MAP7D1: variants seen among roughly 807,000 people sequenced by gnomAD.
MAP7D1 encodes MAP7 domain-containing protein 1.
A neutral mutation model predicts 97.5 loss-of-function variants in MAP7D1; 30 were observed. The observed-to-expected ratio is 0.31, with a 90% confidence interval of 0.23 to 0.42. The LOEUF (loss-of-function observed/expected upper bound fraction) is 0.42. Among genes scored for constraint, MAP7D1 ranks in the 10% least tolerant of loss-of-function variants. MAP7D1 has a pLI of 1.00. For missense variants in MAP7D1, 1,184 were observed against 1,179.5 expected (o/e 1.00, Z -0.06); for synonymous variants, 536 against 477.1 (o/e 1.12, Z -1.61).
In MAP7D1 at chr1:36,178,084, C is replaced by T. The variant is rs12563354; in HGVS notation, c.1591C>T (p.Arg531Cys). 54 of 1,607,252 alleles carry T rather than the reference C, an allele frequency of 3.4e-5. No individual in the cohort carries two copies. In the African/African-American group the frequency reaches 5.7e-4, roughly 17 times the overall value. ...GCCCGAGGACAAGAGCCAGAGCAAG[C>T]GCAGGGCCAGTAACGAGAAGGAGTC... Reference protein sequence around the residue: ...AGPEDKSQSKRRASNEKESAA... With the variant: ...AGPEDKSQSKCRASNEKESAA... The change falls in exon 9 of 17, where the codon CGC becomes TGC. Residue 531 changes from arginine (R) to cysteine (C), a missense_variant. Physicochemically the swap from Arg to Cys is radical, Grantham distance 180. Coordinates refer to ENST00000474796, the MANE Select transcript of MAP7D1 (RefSeq NM_001388490.1).
At chr1:36,162,582 G>T (rs1644427479) in intron 1 of MAP7D1, among the ~76,000 whole-genome samples, 1 of 152,166 alleles carries the variant, frequency 6.6e-6, no homozygotes, top group African/African-American at 2.4e-5. Context: ...TGTGAAATGG[G>T]GGCCATCATA....
rs779771144 is a variant in MAP7D1 at position 36,170,866 on chromosome 1, A to G, written c.47-105A>G. On this transcript the variant is annotated intron_variant, in intron 1 of 16. Coordinates refer to ENST00000474796, the MANE Select transcript of MAP7D1 (RefSeq NM_001388490.1). ...CCCGGCACATAGAAATAACTCAAAC[A>G]TAAGTGAATGAAGAAGTCGGTTGAA... 501 of 660,318 alleles carry G rather than the reference A, an allele frequency of 7.6e-4. 6 individuals are homozygous for G. Among genetic ancestry groups the G allele is most frequent in the Admixed American group, 3.8e-4 (16 of 41,628 alleles). 40.9% of individuals were successfully genotyped at this position (660,318 alleles called of 1,614,324 possible). A position where few individuals can be genotyped will look rare whatever the true frequency, so the allele number is the denominator to read the frequency against.
intron 12 of MAP7D1, 42 bp from the exon 13 acceptor site, chr1:36,179,220 G>T: frequency 6.2e-7 from 1 of 1,608,528 alleles, no homozygotes; most frequent in Non-Finnish European, 8.5e-7. Flanking sequence ...TTTAGGATTA[G>T]GGGCGGGGCT....
intron 12 of MAP7D1, 55 bp downstream of exon 12, chr1:36,179,080 T>TGGGCGGGGCCTGGGCTTAGAGC: frequency 7.2e-6 from 10 of 1,381,858 alleles, no homozygotes; most frequent in Non-Finnish European, 1.0e-5. Flanking sequence ...GCGGGCCAGG[T>TGGGCGGGGCCTGGGCTTAGAGC]GGGCGGGGCC....
In MAP7D1 at chr1:36,171,188, C is replaced by T. The variant is rs376811700; in HGVS notation, c.264C>T (p.Ser88=). Residue 88 remains serine, a synonymous_variant, in exon 2 of 17, where the codon TCC becomes TCT. Coordinates refer to ENST00000474796, the MANE Select transcript of MAP7D1 (RefSeq NM_001388490.1). ...CCCCCCCGCAGGAAGAGTCCCCTTC[C>T]TCTGAAGCAAAGAGCAGAGGACCCA... ...RPAPPQEESP[S]SEAKSRGPTP... 5.6e-6 allele frequency: 9 copies of T among 1,613,864 alleles called. No individual in the cohort carries two copies. Among genetic ancestry groups the T allele is most frequent in the Admixed American group, 1.7e-5 (1 of 59,988 alleles).
chr1:36,168,491 T>G lies in MAP7D1; in HGVS notation c.47-2480T>G, dbSNP rs572560922. Among the ~76,000 whole-genome samples the G allele has an allele frequency of 7.2e-5, 11 of 152,220 alleles. No individual in the cohort carries two copies. The East Asian group carries it at 1.5e-3, about 21-fold the overall frequency. On this transcript the variant is annotated intron_variant, in intron 1 of 16. Transcript: ENST00000474796. ...CACTAGAGTGAGTAACTGGTTTTGT[T>G]GACTACTGGAATTGGTAAAGGAGTT...
intron 8 of MAP7D1, chr1:36,177,529 A>T: frequency 1.8e-6 from 1 of 565,136 alleles, no homozygotes; most frequent in Non-Finnish European, 3.5e-6. Flanking sequence ...CTTAAAAACA[A>T]CAACAACAAC....
chr1:36,162,239 G>A (rs1484276902), intron 1 of MAP7D1, among the ~76,000 whole-genome samples: 1 of 152,164 alleles, frequency 6.6e-6, no homozygotes, highest in Non-Finnish European at 1.5e-5. Flanking sequence ...CCTGGAGGTG[G>A]GCTGTTCTCC....
intron 1 of MAP7D1, among the ~76,000 whole-genome samples, chr1:36,158,228 C>G (rs891952657): frequency 1.2e-4 from 19 of 152,038 alleles, no homozygotes; most frequent in Admixed American, 5.2e-4. Flanking sequence ...GAGGACTCTT[C>G]TATACACAGG....
chr1:36,158,128 G>A (rs954027980), intron 1 of MAP7D1, among the ~76,000 whole-genome samples: 4 of 123,972 alleles, frequency 3.2e-5, no homozygotes, highest in Admixed American at 2.5e-4. Flanking sequence ...GAGATGCTTG[G>A]CTCTCCTAGG....
chr1:36,175,928 G>C (rs1557780047), intron 6 of MAP7D1, among the ~76,000 whole-genome samples: 1 of 152,190 alleles, frequency 6.6e-6, no homozygotes, highest in Non-Finnish European at 1.5e-5. Context: ...TATATGCGCC[G>C]TTCAGGGCCC....
Position 36,179,352 on chromosome 1 carries a change from G to T in MAP7D1, c.2184+37G>T, listed in dbSNP as rs758461011. On this transcript the variant is annotated intron_variant, in intron 13 of 16. Coordinates refer to ENST00000474796, the MANE Select transcript of MAP7D1 (RefSeq NM_001388490.1). ...CCCGAAGGGCAGTGCTGGGCGTGGG[G>T]GGCAGGGTGTGAAAAGGAGGCTGCG... 24 of 1,612,462 alleles carry T rather than the reference G, an allele frequency of 1.5e-5. No individual in the cohort carries two copies. The East Asian group carries it at 2.7e-4, about 18-fold the overall frequency.
At position 36,178,507 on chromosome 1, in the gene MAP7D1, C is replaced by T; in HGVS notation, c.1797C>T (p.Ala599=). 5 of 1,610,582 alleles carry T rather than the reference C, an allele frequency of 3.1e-6. No homozygotes were observed. The highest frequency in any genetic ancestry group is 4.2e-6 in the Non-Finnish European group (5 of 1,178,806). ...PMAGTTDREE[A]TRLLAEKRRQ... ...CCGGCACCACAGACCGAGAAGAAGCCACTCGGCTCTTGGCTGAGAAGCGGC... is the reference window on the plus strand; with the variant it reads ...CCGGCACCACAGACCGAGAAGAAGCTACTCGGCTCTTGGCTGAGAAGCGGC... The change falls in exon 10 of 17, where the codon GCC becomes GCT. Residue 599 remains alanine (A), a synonymous_variant. Transcript: ENST00000474796.
Position 36,178,756 on chromosome 1 carries a change from G to T in MAP7D1, c.1958G>T (p.Arg653Leu). The T allele has an allele frequency of 2.6e-6, 4 of 1,546,036 alleles. No homozygotes were observed. The highest frequency in any genetic ancestry group is 3.5e-6 in the Non-Finnish European group (4 of 1,145,430). The change falls in exon 11 of 17, where the codon CGG becomes CTG. Residue 653 changes from arginine to leucine, a missense_variant. Physicochemically the swap from Arg to Leu is moderately radical, Grantham distance 102 (BLOSUM62 -2). Transcript: ENST00000474796. ...RAEREAEARR[R>L]EEQEAREKAQ... ...GAGCGGGAGGCGGAGGCCCGGAGGC[G>T]GGAGGAGCAGGAGGCACGAGAGAAG...
At chr1:36,166,756 G>A (rs1361197351) in intron 1 of MAP7D1, among the ~76,000 whole-genome samples, 3 of 152,200 alleles carry the variant, frequency 2.0e-5, no homozygotes, top group Non-Finnish European at 4.4e-5. Context: ...GGGGAACAAA[G>A]ACTGGAGCAG....
At chr1:36,170,875 T>G (rs1644531566) in intron 1 of MAP7D1, 96 bp from the exon 2 acceptor site, 1 of 658,382 alleles carries the variant, frequency 1.5e-6, no homozygotes, top group Admixed American at 2.4e-5. Context: ...CATAAGTGAA[T>G]GAAGAAGTCG....
In MAP7D1 at chr1:36,159,035, G is replaced by GTCATTTAT. The variant is rs369553726; in HGVS notation, c.46+2573_46+2574insCATTTATT. On this transcript the variant is annotated intron_variant, in intron 1 of 16. Coordinates refer to ENST00000474796, the MANE Select transcript of MAP7D1 (RefSeq NM_001388490.1). This position sits in a 1 kb window ranked among gnomAD's most constrained non-coding sequence, Gnocchi z 5.4. ...AGTGCCCAATAAGTGCTAGCCATTT[G>GTCATTTAT]TTATTTATTTATTTATTTATTTATT... Among the ~76,000 whole-genome samples the GTCATTTAT allele has an allele frequency of 6.2e-5, 9 of 145,904 alleles. No homozygotes were observed. The highest frequency in any genetic ancestry group is 5.5e-4 in the Admixed American group (8 of 14,636).
In MAP7D1 at chr1:36,159,024, G is replaced by T. The variant is rs1026729179; in HGVS notation, c.46+2561G>T. The stretch of plus-strand genomic sequence containing the variant: ...GGCACATAGCCAGTGCCCAATAAGT[G>T]CTAGCCATTTGTTATTTATTTATTT... On this transcript the variant is annotated intron_variant, in intron 1 of 16. Transcript: ENST00000474796. This position sits in a 1 kb window ranked among gnomAD's most constrained non-coding sequence, Gnocchi z 5.4. Among the ~76,000 whole-genome samples, 1 of 148,740 alleles carries T rather than the reference G, an allele frequency of 6.7e-6. No homozygotes were observed. The highest frequency in any genetic ancestry group is 6.8e-5 in the Admixed American group (1 of 14,652).
In MAP7D1 at chr1:36,163,817, C is replaced by CTTTTT. The variant is rs869169250; in HGVS notation, c.47-7131_47-7127dup. Among the ~76,000 whole-genome samples, 97 of 86,838 alleles carry CTTTTT rather than the reference C, an allele frequency of 1.1e-3. 8 individuals carry two copies. Among genetic ancestry groups the CTTTTT allele is most frequent in the African/African-American group, 4.4e-3 (94 of 21,400 alleles). 57.0% of individuals were successfully genotyped at this position (86,838 alleles called of 152,430 possible). On this transcript the variant is annotated intron_variant, in intron 1 of 16. Coordinates refer to ENST00000474796, the MANE Select transcript of MAP7D1 (RefSeq NM_001388490.1). ...TGCCACATAGATATATACTTTTTTT[C>CTTTTT]TTTTTTTTTTTTTTTTTTTTTTTTT...
Sources: gnomAD v4.1 joint callset for allele counts (sites outside exome capture counted in the v4.1 genomes callset) on GRCh38, gnomAD v4.1.1 for gene constraint, Gnocchi (gnomAD v3.1) non-coding constraint, MANE v1.5 for transcripts, NCBI Gene and HGNC (gene_info 2026-07-23, HGNC 2026-07-21) for gene names.